DDHD1: variants seen among roughly 807,000 people sequenced by gnomAD.
DDHD1 encodes DDHD domain containing 1, also known as phospholipase DDHD1.
A neutral mutation model predicts 96.4 loss-of-function variants in DDHD1; 49 were observed. That is an observed-to-expected ratio of 0.51 (90% confidence interval 0.40 to 0.64). The LOEUF (loss-of-function observed/expected upper bound fraction) is 0.64, where lower values mean the gene tolerates loss of function less well. Among genes scored for constraint, DDHD1 ranks in the 30% least tolerant of loss-of-function variants. DDHD1 has a pLI of 0.00. For synonymous variants in DDHD1, 442 were observed against 446.5 expected, an observed-to-expected ratio of 0.99 and a Z score of 0.13; for missense variants, 1,106 against 1,161.2, an observed-to-expected ratio of 0.95 and a Z score of 0.69.
At chr14:53,058,669 G>C in intron 8 of DDHD1, 43 bp from the exon 9 acceptor site, 1 of 1,551,168 alleles carries the variant, frequency 6.4e-7, no homozygotes, top group African/African-American at 1.4e-5. Flanking sequence ...ATGGTGAAGT[G>C]TTATCTTTCA....
intron 4 of DDHD1, 133 bp from the exon 5 acceptor site, chr14:53,073,980 T>G (rs1232233605): frequency 1.4e-6 from 1 of 707,326 alleles, no homozygotes; most frequent in Non-Finnish European, 2.3e-6. Context: ...TACATTCCAG[T>G]GACTACCACA....
intron 4 of DDHD1, among the ~76,000 whole-genome samples, chr14:53,075,696 C>T (rs1037469732): frequency 1.3e-5 from 2 of 152,142 alleles, no homozygotes; most frequent in African/African-American, 2.4e-5. Context: ...AAGTCAATTC[C>T]TGGCTTCAAA....
chr14:53,138,238 C>G (rs1047100188), intron 1 of DDHD1, among the ~76,000 whole-genome samples: 5 of 152,120 alleles, frequency 3.3e-5, no homozygotes, highest in African/African-American at 1.2e-4. Flanking sequence ...AACCTTATCT[C>G]TACTAAAAAT....
chr14:53,111,674 A>C (rs1888118851), intron 1 of DDHD1, among the ~76,000 whole-genome samples: 1 of 152,112 alleles, frequency 6.6e-6, no homozygotes, highest in South Asian at 2.1e-4. Flanking sequence ...GCAAATTAAG[A>C]ATTTTTCACT....
intron 1 of DDHD1, among the ~76,000 whole-genome samples, chr14:53,113,576 C>T (rs1463130492): frequency 6.6e-6 from 1 of 151,812 alleles, no homozygotes; most frequent in Non-Finnish European, 1.5e-5. Flanking sequence ...AAAAATGAAC[C>T]CACGGAGAGT....
chr14:53,152,113 G>GAGTGAAGCAGTGTAGAT, intron 1 of DDHD1, 148 bp downstream of exon 1: 6 of 833,726 alleles, frequency 7.2e-6, no homozygotes, highest in Admixed American at 3.2e-5. Context: ...AGCTGCCGAC[G>GAGTGAAGCAGTGTAGAT]CTCCCTGCTC....
rs1891523810 is a variant in DDHD1 at position 53,152,695 on chromosome 14, G to A, written c.404C>T (p.Ala135Val). 3 of 1,611,166 alleles carry A rather than the reference G, an allele frequency of 1.9e-6. No individual in the cohort carries two copies. Among genetic ancestry groups the A allele is most frequent in the Non-Finnish European group, 2.5e-6 (3 of 1,179,060 alleles). The change falls in exon 1 of 13, where the codon GCG (alanine) becomes GTG (valine). Residue 135 changes from alanine (A) to valine (V), a missense_variant. By Grantham distance (64) the Ala-to-Val change is moderately conservative. This residue lies in a region of DDHD1 where 456 missense variants were observed against 402.4 expected (regional missense o/e 1.13). Coordinates refer to ENST00000673822, the MANE Select transcript of DDHD1 (RefSeq NM_001160148.2). ...CCTTTCCCCGGGGGACCCTCCTGTC[G>A]CGCCGCCGCCCCCCGAGTTCGTCGG... ...LVPTNSGGGGATGGSPGERKR... is the reference protein window; with the variant it reads ...LVPTNSGGGGVTGGSPGERKR...
At chr14:53,130,084 T>C (rs756175744) in intron 1 of DDHD1, among the ~76,000 whole-genome samples, 27 of 152,108 alleles carry the variant, frequency 1.8e-4, no homozygotes, top group Admixed American at 3.9e-4. Context: ...ATCTGACCTC[T>C]CCCCTCCTCC....
intron 1 of DDHD1, among the ~76,000 whole-genome samples, chr14:53,146,634 A>C (rs1167639743): frequency 6.6e-6 from 1 of 152,216 alleles, no homozygotes; most frequent in Non-Finnish European, 1.5e-5. Context: ...TCTCTGGTAC[A>C]GGCAAGTTCC....
At chr14:53,113,677 A>G (rs898303331) in intron 1 of DDHD1, among the ~76,000 whole-genome samples, 3 of 152,142 alleles carry the variant, frequency 2.0e-5, no homozygotes, top group African/African-American at 7.2e-5. Context: ...GGAAGCCATG[A>G]GGGACTGTGC....
In DDHD1 at chr14:53,045,140, T is replaced by C. The variant is rs1881920210; in HGVS notation, c.*1628A>G. Reference sequence around the variant, plus strand: ...TGAATTGCAACTTCTGTTATTATTGTTTGCAAACTACTAAAAGGTCACATG... The same window carrying C: ...TGAATTGCAACTTCTGTTATTATTGCTTGCAAACTACTAAAAGGTCACATG... On this transcript the variant is annotated 3_prime_UTR_variant, in exon 13 of 13. Coordinates refer to ENST00000673822, the MANE Select transcript of DDHD1 (RefSeq NM_001160148.2). The C allele has an allele frequency of 6.6e-6, 1 of 152,332 alleles. No homozygotes were observed. The highest frequency in any genetic ancestry group is 1.9e-4 in the East Asian group (1 of 5,176). 9.4% of individuals were successfully genotyped at this position (152,332 alleles called of 1,614,324 possible).
At chr14:53,133,524 G>C (rs954433033) in intron 1 of DDHD1, among the ~76,000 whole-genome samples, 1 of 152,190 alleles carries the variant, frequency 6.6e-6, no homozygotes, top group Non-Finnish European at 1.5e-5. Context: ...AGGAAAGGTA[G>C]AAAGAACTAA....
intron 8 of DDHD1, among the ~76,000 whole-genome samples, chr14:53,060,341 T>C (rs962311658): frequency 6.6e-6 from 1 of 152,196 alleles, no homozygotes; most frequent in Non-Finnish European, 1.5e-5. Flanking sequence ...AACAGGTCAT[T>C]CTAATACTTA....
rs567478837 is a variant in DDHD1, at chr14:53,091,856, G to A, written c.1218C>T (p.Thr406=). 2.2e-5 allele frequency: 35 copies of A among 1,613,612 alleles called. No homozygotes were observed. The highest frequency in any genetic ancestry group is 2.9e-5 in the Non-Finnish European group (34 of 1,179,748). The part of the protein sequence containing the change: ...ATLEDKPSQT[T]HIVFVVHGIG... ...TGCCATGCACAACAAATACAATATG[G>A]GTAGTCTGTGATGGCTTGTCTTCTA... The change falls in exon 4 of 13, where the codon ACC becomes ACT. Residue 406 remains threonine, a synonymous_variant. Transcript: ENST00000673822.
chr14:53,089,152 A>G (rs184180334), intron 4 of DDHD1, among the ~76,000 whole-genome samples: 1 of 152,324 alleles, frequency 6.6e-6, no homozygotes, highest in African/African-American at 2.4e-5. Flanking sequence ...ACCCTGCTCA[A>G]TGAAATAAAA....
At chr14:53,062,590 C>G (rs745852095) in intron 7 of DDHD1, among the ~76,000 whole-genome samples, 1 of 151,994 alleles carries the variant, frequency 6.6e-6, no homozygotes, top group Non-Finnish European at 1.5e-5. Flanking sequence ...AAACCCACCT[C>G]AAAAGGTCAG....
At chr14:53,145,075 G>C (rs1890883038) in intron 1 of DDHD1, among the ~76,000 whole-genome samples, 2 of 152,122 alleles carry the variant, frequency 1.3e-5, no homozygotes, top group South Asian at 4.1e-4. Flanking sequence ...TTTTGAACCT[G>C]GGAGGTGGAG....
intron 2 of DDHD1, 181 bp from the exon 3 acceptor site, chr14:53,093,625 C>A: frequency 3.1e-6 from 2 of 647,676 alleles, no homozygotes; most frequent in Non-Finnish European, 4.8e-6. Flanking sequence ...TGGATAGGGA[C>A]TTTATTTTAT....
chr14:53,111,079 T>C (rs1355937090), intron 1 of DDHD1, among the ~76,000 whole-genome samples: 1 of 152,214 alleles, frequency 6.6e-6, no homozygotes, highest in Non-Finnish European at 1.5e-5. Flanking sequence ...TCTTCTTGAC[T>C]GAAAAATAAT....
Sources: gnomAD v4.1 joint callset for allele counts (sites outside exome capture counted in the v4.1 genomes callset) on GRCh38, gnomAD v4.1.1 for gene constraint, gnomAD v4.1.1 regional missense constraint, MANE v1.5 for transcripts, NCBI Gene and HGNC (gene_info 2026-07-23, HGNC 2026-07-21) for gene names.